FAM151B: variants seen among roughly 807,000 people sequenced by gnomAD.
FAM151B encodes protein FAM151B.
FAM151B carries 24 observed loss-of-function variants against 31.2 expected under a neutral mutation model. That is an observed-to-expected ratio of 0.77 (90% confidence interval 0.56 to 1.08). FAM151B has a LOEUF of 1.08. Among genes scored for constraint, FAM151B ranks in the 50% least tolerant of loss-of-function variants. The pLI, the probability that FAM151B is intolerant of heterozygous loss-of-function variation, is 0.00. For synonymous variants in FAM151B, 105 were observed against 111.4 expected, an observed-to-expected ratio of 0.94 and a Z score of 0.36; for missense variants, 293 against 328.6, an observed-to-expected ratio of 0.89 and a Z score of 0.84.
rs1745912232 is a variant in FAM151B, at chr5:80,541,802, A to G, written c.801A>G (p.Lys267=). 1.2e-6 allele frequency: 2 copies of G among 1,613,460 alleles called. No homozygotes were observed. Among genetic ancestry groups the G allele is most frequent in the South Asian group, 1.1e-5 (1 of 90,966 alleles). The part of the protein sequence containing the change: ...DILEPQNHEF[K]QAIGIKVNL ...TGGAACCACAAAACCATGAATTTAA[A>G]CAAGCCATTGGAATCAAAGTTAATC... The change falls in exon 6 of 6, where the codon AAA becomes AAG. Residue 267 remains lysine, a synonymous_variant. Coordinates refer to ENST00000282226, the MANE Select transcript of FAM151B (RefSeq NM_205548.3).
chr5:80,497,770 A>G (rs187478), intron 1 of FAM151B, among the ~76,000 whole-genome samples: 113,682 of 145,916 alleles, frequency 0.78, 47,339 homozygotes, highest in East Asian at 0.92. Flanking sequence ...AGGAAGGGGA[A>G]CATCACACAC....
At chr5:80,521,291 C>G (rs1383729075) in intron 4 of FAM151B, among the ~76,000 whole-genome samples, 3 of 150,206 alleles carry the variant, frequency 2.0e-5, no homozygotes, top group South Asian at 2.1e-4. Context: ...CACACAGCTA[C>G]TTTTTAAATT....
rs552796484 is a variant in FAM151B at position 80,524,286 on chromosome 5, AT to A, written c.671+2155del. Among the ~76,000 whole-genome samples the A allele has an allele frequency of 4.0e-3, 607 of 152,048 alleles. 5 individuals are homozygous for A. Among genetic ancestry groups the A allele is most frequent in the African/African-American group, 0.014 (589 of 41,504 alleles). On this transcript the variant is annotated intron_variant, in intron 5 of 5. Transcript: ENST00000282226. ...CCCAGCCTATATTCCATTTGGGTAT[AT>A]TTTTTTCATTTTTGATGATGTCACA...
rs1183931402 is a variant in FAM151B at position 80,508,533 on chromosome 5, G to A, written c.152-5071G>A. On this transcript the variant is annotated intron_variant, in intron 2 of 5. Coordinates refer to ENST00000282226, the MANE Select transcript of FAM151B (RefSeq NM_205548.3). Reference sequence around the variant, plus strand: ...TTGCATCCCCTAAAGACTAATGCTGGTGAGCATCTCTTTGTGTGCTTTTTG... The same window carrying A: ...TTGCATCCCCTAAAGACTAATGCTGATGAGCATCTCTTTGTGTGCTTTTTG... Among the ~76,000 whole-genome samples the A allele has an allele frequency of 6.0e-5, 9 of 149,232 alleles. 1 individual carries two copies. In the South Asian group the frequency reaches 1.7e-3, roughly 28 times the overall value.
intron 5 of FAM151B, among the ~76,000 whole-genome samples, chr5:80,540,003 G>T (rs963832036): frequency 3.3e-5 from 5 of 151,896 alleles, no homozygotes; most frequent in Admixed American, 2.0e-4. Context: ...TACTCCAGAG[G>T]ATACCGCCCC....
At chr5:80,520,809 TGTGG>T (rs2112642712) in intron 4 of FAM151B, among the ~76,000 whole-genome samples, 1 of 148,642 alleles carries the variant, frequency 6.7e-6, no homozygotes, top group East Asian at 1.9e-4. Flanking sequence ...GTGTTTTCCA[TGTGG>T]TTTTTTTTTT....
chr5:80,519,876 G>GACA lies in FAM151B; in HGVS notation c.505_507dup (p.Thr169dup). On this transcript the variant is annotated inframe_insertion, in exon 4 of 6. Coordinates refer to ENST00000282226, the MANE Select transcript of FAM151B (RefSeq NM_205548.3). ...CAGACGTGACGTTTTCCCTGGGTTG[G>GACA]ACAACAGGATGGCATCCTGAGAAAG... The GACA allele has an allele frequency of 6.2e-7, 1 of 1,614,082 alleles. No homozygotes were observed. Among genetic ancestry groups the GACA allele is most frequent in the Non-Finnish European group, 8.5e-7 (1 of 1,179,990 alleles).
intron 2 of FAM151B, among the ~76,000 whole-genome samples, chr5:80,512,236 TCA>T (rs1250920400): frequency 6.6e-6 from 1 of 152,234 alleles, no homozygotes; most frequent in Non-Finnish European, 1.5e-5. Flanking sequence ...TGGCAACCCA[TCA>T]CAGTTTTTGA....
At chr5:80,488,275 C>T in intron 1 of FAM151B, 127 bp downstream of exon 1, 2 of 1,233,766 alleles carry the variant, frequency 1.6e-6, no homozygotes, top group Non-Finnish European at 1.1e-6. Context: ...CCGCGCAGAA[C>T]CGGGCGGCTG....
intron 1 of FAM151B, among the ~76,000 whole-genome samples, chr5:80,491,434 G>A (rs917508868): frequency 6.6e-6 from 1 of 152,046 alleles, no homozygotes; most frequent in African/African-American, 2.4e-5. Context: ...CATTGCCCAG[G>A]CTGGTCTCGA....
chr5:80,524,355 TC>T (rs1020405490), intron 5 of FAM151B, among the ~76,000 whole-genome samples: 3 of 152,108 alleles, frequency 2.0e-5, no homozygotes, highest in Non-Finnish European at 2.9e-5. Context: ...GCACCTAAAA[TC>T]TATTATGTTA....
At chr5:80,520,698 A>T (rs1561372761) in intron 4 of FAM151B, among the ~76,000 whole-genome samples, 1 of 146,766 alleles carries the variant, frequency 6.8e-6, no homozygotes, top group African/African-American at 2.5e-5. Context: ...ATATATATAT[A>T]TATTTATTTA....
intron 1 of FAM151B, chr5:80,501,465 G>GAAAAAATA (rs1743744868): frequency 1.2e-5 from 1 of 84,820 alleles, no homozygotes. Context: ...CTCTCAAATT[G>GAAAAAATA]AAAAAAAAAA....
At chr5:80,532,961 A>G (rs929319104) in intron 5 of FAM151B, among the ~76,000 whole-genome samples, 1 of 152,220 alleles carries the variant, frequency 6.6e-6, no homozygotes. Flanking sequence ...TGATAATGGA[A>G]ACACAACATA....
rs536466363 is a variant in FAM151B at position 80,523,690 on chromosome 5, T to C, written c.671+1552T>C. ...TTAATATGGAATGATCTCTAAGATA[T>C]ATTATTAACTGAATAAATTAAGATG... is the stretch of plus-strand genomic sequence containing the variant. On this transcript the variant is annotated intron_variant, in intron 5 of 5. Transcript: ENST00000282226. 1.3e-4 allele frequency among the ~76,000 whole-genome samples: 20 copies of C among 152,322 alleles called. No individual in the cohort carries two copies. In the South Asian group the frequency reaches 3.9e-3, roughly 30 times the overall value.
chr5:80,515,621 G>A (rs757576051), intron 3 of FAM151B, among the ~76,000 whole-genome samples: 4 of 152,090 alleles, frequency 2.6e-5, no homozygotes, highest in Non-Finnish European at 5.9e-5. Flanking sequence ...GCACAAAAGC[G>A]CTGAGCCTCT....
intron 5 of FAM151B, among the ~76,000 whole-genome samples, chr5:80,539,691 C>T (rs1039072270): frequency 2.0e-5 from 3 of 151,786 alleles, no homozygotes; most frequent in Admixed American, 1.3e-4. Context: ...TTGGTTTCAC[C>T]GTGTTACCCA....
chr5:80,500,797 C>CGT, intron 1 of FAM151B: 1 of 1,483,378 alleles, frequency 6.7e-7, no homozygotes, highest in Non-Finnish European at 9.3e-7. Flanking sequence ...AATCTACAAG[C>CGT]GTGGTTATGG....
At chr5:80,540,948 C>T (rs1342110825) in intron 5 of FAM151B, among the ~76,000 whole-genome samples, 1 of 152,270 alleles carries the variant, frequency 6.6e-6, no homozygotes, top group East Asian at 1.9e-4. Flanking sequence ...TGGATTCTGA[C>T]AAGCTTATGG....
Sources: allele counts gnomAD v4.1 joint callset (sites outside exome capture counted in the v4.1 genomes callset), GRCh38; gene constraint gnomAD v4.1.1; transcripts MANE v1.5; gene names NCBI Gene and HGNC (gene_info 2026-07-23, HGNC 2026-07-21).